The following ANO6 variants were observed in gnomAD, a reference collection of about 807,000 sequenced individuals.
ANO6 encodes anoctamin 6.
Under a neutral mutation model 117.5 loss-of-function variants are expected in ANO6, and 106 were observed. The observed-to-expected ratio is 0.90, with a 90% CI of 0.77 to 1.06. ANO6 has a LOEUF of 1.06. ANO6 is among the 50% of genes least tolerant of loss of function. The pLI is 0.00. For missense variants in ANO6, 955 were observed against 1,121.1 expected, an observed-to-expected ratio of 0.85 and a Z score of 2.12; for synonymous variants, 367 against 385.1, an observed-to-expected ratio of 0.95 and a Z score of 0.55.
At chr12:45,427,874 G>A (rs941792611) in intron 19 of ANO6, among the ~76,000 whole-genome samples, 1 of 150,548 alleles carries the variant, frequency 6.6e-6, no homozygotes, top group Non-Finnish European at 1.5e-5. Flanking sequence ...GGAAGATGGA[G>A]GTTGCAGTGG....
chr12:45,247,950 G>A (rs1037772663), intron 1 of ANO6, among the ~76,000 whole-genome samples: 5 of 152,126 alleles, frequency 3.3e-5, no homozygotes, highest in Non-Finnish European at 5.9e-5. Flanking sequence ...GATACAATAT[G>A]GATAGTATAA....
At chr12:45,336,764 TAGA>T (rs1940837701) in intron 3 of ANO6, among the ~76,000 whole-genome samples, 1 of 152,092 alleles carries the variant, frequency 6.6e-6, no homozygotes, top group South Asian at 2.1e-4. Context: ...ATCATTATTT[TAGA>T]GTATATTCCT....
At chr12:45,413,600 G>T (rs964994127) in intron 16 of ANO6, among the ~76,000 whole-genome samples, 3 of 152,198 alleles carry the variant, frequency 2.0e-5, no homozygotes, top group African/African-American at 7.2e-5. Flanking sequence ...GGGGTAAAGG[G>T]ACATTTGAAG....
intron 11 of ANO6, among the ~76,000 whole-genome samples, chr12:45,389,901 T>C (rs10748423): frequency 0.38 from 58,058 of 152,088 alleles, 11,609 homozygotes; most frequent in South Asian, 0.56. Flanking sequence ...ACAATACAGG[T>C]AAATCATGTA....
intron 9 of ANO6, among the ~76,000 whole-genome samples, chr12:45,368,968 G>A (rs1565724678): frequency 6.6e-6 from 1 of 152,076 alleles, no homozygotes; most frequent in African/African-American, 2.4e-5. Flanking sequence ...AAAGTCACCC[G>A]CCTAGTAACT....
At chr12:45,439,727 G>A in exon 20 of ANO6, 1 of 1,536,028 alleles carries the variant, frequency 6.5e-7, no homozygotes, top group Non-Finnish European at 8.7e-7. Context: ...TTGGCTCACT[G>A]CAACCTCCGC....
chr12:45,266,051 G>C (rs1268594620), intron 1 of ANO6, among the ~76,000 whole-genome samples: 1 of 152,150 alleles, frequency 6.6e-6, no homozygotes, highest in Non-Finnish European at 1.5e-5. Flanking sequence ...TATATCCTTG[G>C]TGAAACTTCC....
rs7310243 is a variant in ANO6 at position 45,424,357 on chromosome 12, A to T, written c.2526+1295A>T. On this transcript the variant is annotated intron_variant, in intron 19 of 19. Coordinates refer to ENST00000320560, the MANE Select transcript of ANO6 (RefSeq NM_001025356.3). ...TTTTTTTTTTTTTTTTTTTTTTTTA[A>T]AGACAGAGTCTCACTCTGTTGCCCA... is the stretch of plus-strand genomic sequence containing the variant. Among the ~76,000 whole-genome samples the T allele has an allele frequency of 6.9e-4, 82 of 118,644 alleles. 3 individuals carry two copies. Among genetic ancestry groups the T allele is most frequent in the East Asian group, 9.3e-4 (4 of 4,286 alleles). 77.8% of individuals were successfully genotyped at this position (118,644 alleles called of 152,430 possible).
intron 1 of ANO6, among the ~76,000 whole-genome samples, chr12:45,271,682 G>A (rs1160086801): frequency 6.6e-6 from 1 of 152,182 alleles, no homozygotes. Context: ...CCTTGTAGCT[G>A]TACCAGAGAC....
At chr12:45,302,293 T>C (rs1939520995) in intron 2 of ANO6, among the ~76,000 whole-genome samples, 200 bp downstream of exon 2, 1 of 152,222 alleles carries the variant, frequency 6.6e-6, no homozygotes, top group Non-Finnish European at 1.5e-5. Flanking sequence ...CATCATGGTC[T>C]ATAGGTTTGT....
Position 45,430,773 on chromosome 12 carries a change from C to T in ANO6, c.*1462C>T, listed in dbSNP as rs759103348. The T allele has an allele frequency of 7.6e-5, 75 of 985,282 alleles. No homozygotes were observed. Among genetic ancestry groups the T allele is most frequent in the Non-Finnish European group, 8.9e-5 (74 of 829,958 alleles). 61.0% of individuals were successfully genotyped at this position (985,282 alleles called of 1,614,324 possible). On this transcript the variant is annotated 3_prime_UTR_variant, in exon 20 of 20. Coordinates refer to ENST00000320560, the MANE Select transcript of ANO6 (RefSeq NM_001025356.3). ...CCTAGCAGTCTACTTCACTTTATTG[C>T]CTTGTAAGTGTCAGGCCTCCTGGGC...
At chr12:45,227,629 T>C (rs537355924) in intron 1 of ANO6, among the ~76,000 whole-genome samples, 4 of 152,306 alleles carry the variant, frequency 2.6e-5, no homozygotes, top group South Asian at 4.1e-4. Flanking sequence ...TTTTCTTTTT[T>C]TTTTAGATAA....
In ANO6 at chr12:45,430,602, A is replaced by AT; in HGVS notation, c.*1297dup. 1.0e-6 allele frequency: 1 copy of AT among 985,342 alleles called. No homozygotes were observed. Among genetic ancestry groups the AT allele is most frequent in the African/African-American group, 1.7e-5 (1 of 57,332 alleles). 61.0% of individuals were successfully genotyped at this position (985,342 alleles called of 1,614,324 possible). A position where few individuals can be genotyped will look rare whatever the true frequency, so the allele number is the denominator to read the frequency against. On this transcript the variant is annotated 3_prime_UTR_variant, in exon 20 of 20. Coordinates refer to ENST00000320560, the MANE Select transcript of ANO6 (RefSeq NM_001025356.3). ...AGTAAAGAGACTCAGATTAGATTTG[A>AT]TTTTTTAGCCTCCTCTAGAGCCAAT...
intron 1 of ANO6, among the ~76,000 whole-genome samples, chr12:45,232,540 A>G (rs1452648798): frequency 2.6e-5 from 4 of 152,206 alleles, no homozygotes; most frequent in Non-Finnish European, 5.9e-5. Flanking sequence ...TCTAAAAATA[A>G]CATGGCCTTA....
intron 2 of ANO6, among the ~76,000 whole-genome samples, chr12:45,321,384 T>A (rs939797784): frequency 2.0e-5 from 3 of 152,140 alleles, no homozygotes; most frequent in African/African-American, 7.2e-5. Context: ...TTTGCCACCA[T>A]GCTTAGGTCA....
intron 9 of ANO6, among the ~76,000 whole-genome samples, chr12:45,375,468 C>G (rs1441071469): frequency 7.2e-5 from 11 of 152,188 alleles, no homozygotes; most frequent in Non-Finnish European, 1.0e-4. Flanking sequence ...TACAAGGCTA[C>G]AGTAACCAAA....
chr12:45,343,277 T>A (rs545825846), intron 3 of ANO6, among the ~76,000 whole-genome samples: 5 of 152,188 alleles, frequency 3.3e-5, no homozygotes, highest in Non-Finnish European at 4.4e-5. Context: ...AAGACCCTCT[T>A]CTGACTGATT....
At chr12:45,400,922 A>G (rs1266850612) in intron 12 of ANO6, among the ~76,000 whole-genome samples, 1 of 152,214 alleles carries the variant, frequency 6.6e-6, no homozygotes, top group Non-Finnish European at 1.5e-5. Flanking sequence ...TGCCTCTCCA[A>G]TAGTGTCTAG....
chr12:45,312,111 T>C (rs1284579573), intron 2 of ANO6, among the ~76,000 whole-genome samples: 1 of 152,000 alleles, frequency 6.6e-6, no homozygotes, highest in Non-Finnish European at 1.5e-5. Context: ...AAGCTATTTG[T>C]TATCTGGGGA....
Sources: allele counts gnomAD v4.1 joint callset (sites outside exome capture counted in the v4.1 genomes callset), GRCh38; gene constraint gnomAD v4.1.1; transcripts MANE v1.5; gene names NCBI Gene and HGNC (gene_info 2026-07-23, HGNC 2026-07-21).